The following UNC5C variants were observed in gnomAD, a reference collection of about 807,000 sequenced individuals.
The protein encoded by UNC5C is netrin receptor UNC5C.
Under a neutral mutation model 99.8 loss-of-function variants are expected in UNC5C, and 47 were observed. The observed-to-expected ratio is 0.47, with a 90% CI of 0.37 to 0.60. UNC5C has a LOEUF of 0.60. Ranked by LOEUF, UNC5C falls within the 20% of genes least tolerant of loss-of-function variation. The probability of loss-of-function intolerance (pLI) is 0.00; values close to 1 mark genes in which losing one functional copy is unlikely to be tolerated. For synonymous variants in UNC5C, 487 were observed against 452.2 expected (o/e 1.08, Z -0.98); for missense variants, 1,062 against 1,165.9 (o/e 0.91, Z 1.30).
intron 1 of UNC5C, among the ~76,000 whole-genome samples, chr4:95,454,943 A>T (rs1208076723): frequency 6.6e-6 from 1 of 152,162 alleles, no homozygotes; most frequent in East Asian, 1.9e-4. Context: ...TGGGAAAGAC[A>T]TTAAGAGGTA....
At chr4:95,254,720 A>G (rs899007650) in intron 4 of UNC5C, among the ~76,000 whole-genome samples, 3 of 152,160 alleles carry the variant, frequency 2.0e-5, no homozygotes, top group East Asian at 1.9e-4. Flanking sequence ...CTTATCATCA[A>G]TTACAACTCC....
Position 95,202,976 on chromosome 4 carries a change from G to T in UNC5C, c.1903-12C>A. 1.2e-6 allele frequency: 2 copies of T among 1,613,780 alleles called. No homozygotes were observed. The highest frequency in any genetic ancestry group is 1.1e-5 in the South Asian group (1 of 91,048). On this transcript the variant is annotated splice_polypyrimidine_tract_variant and intron_variant, in intron 11 of 15. Transcript: ENST00000453304. ...ACCACCACCACATCCTGGGGGACAA[G>T]AGGGAAGGGCCATGGCTAAGTCACC...
intron 1 of UNC5C, among the ~76,000 whole-genome samples, chr4:95,421,621 C>CACACACACAA (rs1481685704): frequency 7.1e-6 from 1 of 141,750 alleles, no homozygotes; most frequent in Non-Finnish European, 1.5e-5. Flanking sequence ...CTCTCTTTTA[C>CACACACACAA]ACACACACAC....
chr4:95,184,996 C>A, intron 13 of UNC5C, 51 bp downstream of exon 13: 3 of 1,506,812 alleles, frequency 2.0e-6, no homozygotes, highest in Non-Finnish European at 8.9e-7. Context: ...TAATTTTAGA[C>A]CTCTTTCTTA....
chr4:95,373,178 CAG>C (rs1744796591), intron 1 of UNC5C, among the ~76,000 whole-genome samples: 1 of 152,156 alleles, frequency 6.6e-6, no homozygotes, highest in African/African-American at 2.4e-5. Context: ...CCGCAACAGC[CAG>C]AGTGATCTTT....
intron 1 of UNC5C, among the ~76,000 whole-genome samples, chr4:95,545,552 TA>T (rs58156541): frequency 0.019 from 2,796 of 147,706 alleles, 72 homozygotes; most frequent in African/African-American, 0.059. Context: ...ATATGTTATT[TA>T]AAAAAAAAAA....
intron 1 of UNC5C, among the ~76,000 whole-genome samples, chr4:95,457,967 GA>G (rs1277394299): frequency 2.0e-5 from 3 of 152,090 alleles, no homozygotes; most frequent in Non-Finnish European, 4.4e-5. Flanking sequence ...AGAACTCTGA[GA>G]AATGTGAACA....
chr4:95,226,097 C>T (rs1189953380), intron 7 of UNC5C, among the ~76,000 whole-genome samples: 2 of 152,192 alleles, frequency 1.3e-5, no homozygotes, highest in African/African-American at 4.8e-5. Flanking sequence ...ATAACATCTC[C>T]GGCGGAACAC....
chr4:95,494,801 T>C (rs983273384), intron 1 of UNC5C, among the ~76,000 whole-genome samples: 2 of 151,546 alleles, frequency 1.3e-5, no homozygotes, highest in African/African-American at 4.8e-5. Flanking sequence ...ATTTTTAAAG[T>C]TGCAACTTAC....
intron 1 of UNC5C, among the ~76,000 whole-genome samples, chr4:95,497,266 G>A (rs1249004324): frequency 6.6e-6 from 1 of 151,904 alleles, no homozygotes; most frequent in East Asian, 1.9e-4. Context: ...TTCCATAGTG[G>A]TTGTACTAGT....
intron 4 of UNC5C, among the ~76,000 whole-genome samples, chr4:95,252,288 A>G (rs1346346086): frequency 6.6e-6 from 1 of 152,196 alleles, no homozygotes; most frequent in African/African-American, 2.4e-5. Context: ...TACCTAGGTT[A>G]TCTATGCCCT....
intron 3 of UNC5C, among the ~76,000 whole-genome samples, chr4:95,300,649 T>G (rs1443817994): frequency 1.3e-5 from 2 of 152,200 alleles, no homozygotes; most frequent in Admixed American, 1.3e-4. Flanking sequence ...CCTACTAGAT[T>G]TTTTACAAAA....
chr4:95,443,713 A>G (rs1747016111), intron 1 of UNC5C, among the ~76,000 whole-genome samples: 1 of 152,132 alleles, frequency 6.6e-6, no homozygotes, highest in Non-Finnish European at 1.5e-5. Flanking sequence ...ACAGAATTCT[A>G]TCAATATTAA....
intron 1 of UNC5C, among the ~76,000 whole-genome samples, chr4:95,483,753 T>A (rs1721243880): frequency 6.6e-6 from 1 of 151,778 alleles, no homozygotes; most frequent in African/African-American, 2.4e-5. Flanking sequence ...ATTTTTACTG[T>A]TTTCAACCTG....
chr4:95,255,283 C>G (rs567172869), intron 4 of UNC5C, among the ~76,000 whole-genome samples: 1 of 152,104 alleles, frequency 6.6e-6, no homozygotes, highest in Non-Finnish European at 1.5e-5. Context: ...CCCGGCACCC[C>G]GCTCTGTGTT....
At chr4:95,397,139 T>C (rs1253765180) in intron 1 of UNC5C, among the ~76,000 whole-genome samples, 1 of 152,194 alleles carries the variant, frequency 6.6e-6, no homozygotes, top group Non-Finnish European at 1.5e-5. Context: ...ATGCAGCCTT[T>C]TGACAAGTGG....
intron 4 of UNC5C, among the ~76,000 whole-genome samples, chr4:95,261,708 CTT>C (rs11426859): frequency 6.9e-6 from 1 of 145,760 alleles, no homozygotes. Context: ...ATATGAATTC[CTT>C]TTTTTTTTTT....
intron 1 of UNC5C, among the ~76,000 whole-genome samples, chr4:95,495,283 T>C (rs1432119123): frequency 6.6e-6 from 1 of 151,506 alleles, no homozygotes; most frequent in Non-Finnish European, 1.5e-5. Flanking sequence ...TTTTATCACT[T>C]GTAACTCTGT....
At chr4:95,237,603 A>G (rs1032713752) in intron 7 of UNC5C, among the ~76,000 whole-genome samples, 1 of 152,190 alleles carries the variant, frequency 6.6e-6, no homozygotes, top group Non-Finnish European at 1.5e-5. Context: ...TAAGCATTCT[A>G]AAAACTATAA....
Sources: allele counts gnomAD v4.1 joint callset (sites outside exome capture counted in the v4.1 genomes callset), GRCh38; gene constraint gnomAD v4.1.1; transcripts MANE v1.5; gene names NCBI Gene and HGNC (gene_info 2026-07-23, HGNC 2026-07-21).